The following KATNIP variants were observed in gnomAD, a reference collection of about 807,000 sequenced individuals.
KATNIP encodes katanin interacting protein.
A neutral mutation model predicts 174.0 loss-of-function variants in KATNIP; 126 were observed. The ratio of observed to expected loss-of-function variants is 0.72; its 90% CI spans 0.63 to 0.84. KATNIP has a LOEUF of 0.84. Among genes scored for constraint, KATNIP ranks in the 40% least tolerant of loss-of-function variants. The pLI, the probability that KATNIP is intolerant of heterozygous loss-of-function variation, is 0.00. For synonymous variants in KATNIP, 810 were observed against 835.7 expected (o/e 0.97, Z 0.53); for missense variants, 1,958 against 2,109.7 (o/e 0.93, Z 1.41).
intron 6 of KATNIP, among the ~76,000 whole-genome samples, chr16:27,659,651 T>G (rs1014747837): frequency 2.6e-5 from 4 of 152,182 alleles, no homozygotes; most frequent in African/African-American, 9.6e-5. Flanking sequence ...TTTTAAAATG[T>G]GGCTCAAACT....
chr16:27,731,084 C>T (rs1056549769), intron 14 of KATNIP, among the ~76,000 whole-genome samples: 2 of 152,154 alleles, frequency 1.3e-5, no homozygotes, highest in African/African-American at 4.8e-5. Flanking sequence ...AGGCGAGGAC[C>T]CTGGCTTGCT....
intron 13 of KATNIP, among the ~76,000 whole-genome samples, chr16:27,709,321 T>TAAA (rs544654938): frequency 4.2e-5 from 5 of 120,288 alleles, no homozygotes; most frequent in African/African-American, 1.2e-4. Context: ...ACCCTGTCTC[T>TAAA]AAAAAAAAAA....
rs988399372 is a variant in KATNIP at position 27,628,827 on chromosome 16, C to A, written c.307C>A (p.His103Asn). The change falls in exon 4 of 28, where the codon CAC becomes AAC. Residue 103 changes from histidine (H) to asparagine (N), a missense_variant. Physicochemically the swap from His to Asn is moderately conservative, Grantham distance 68 (BLOSUM62 1). Around this residue, in one of 3 missense-constraint regions of KATNIP, gnomAD observed 1,557 missense variants for 1,617.8 expected, o/e 0.96. Coordinates refer to ENST00000261588, the MANE Select transcript of KATNIP (RefSeq NM_015202.5). Reference sequence around the variant, plus strand: ...AAGTGCCTCCCACACGGAGGGGACACACGGTGAGCACAGGCCCTCCAGGCT... The same window carrying A: ...AAGTGCCTCCCACACGGAGGGGACAAACGGTGAGCACAGGCCCTCCAGGCT... Reference protein sequence around the residue: ...SRSASHTEGTHDYGRRTLFRE... With the variant: ...SRSASHTEGTNDYGRRTLFRE... 2 of 1,613,926 alleles carry A rather than the reference C, an allele frequency of 1.2e-6. No individual in the cohort carries two copies. The highest frequency in any genetic ancestry group is 2.7e-5 in the African/African-American group (2 of 74,920).
At chr16:27,636,204 G>C (rs1055079625) in intron 5 of KATNIP, among the ~76,000 whole-genome samples, 1 of 152,044 alleles carries the variant, frequency 6.6e-6, no homozygotes, top group Non-Finnish European at 1.5e-5. Flanking sequence ...GAAAAGTCTG[G>C]CCCCCACGCT....
At chr16:27,675,596 T>C (rs2078085003) in intron 6 of KATNIP, among the ~76,000 whole-genome samples, 1 of 152,224 alleles carries the variant, frequency 6.6e-6, no homozygotes, top group Admixed American at 6.5e-5. Context: ...TTGGAGTCAT[T>C]CTTCCTTTTT....
chr16:27,673,805 A>AAGAT (rs1368888510), intron 6 of KATNIP, among the ~76,000 whole-genome samples: 1 of 152,204 alleles, frequency 6.6e-6, no homozygotes, highest in Non-Finnish European at 1.5e-5. Context: ...TATGGATGTC[A>AAGAT]AGATGCAAGT....
chr16:27,736,379 TTGAG>T (rs887278416), intron 14 of KATNIP, among the ~76,000 whole-genome samples: 3 of 152,126 alleles, frequency 2.0e-5, no homozygotes, highest in African/African-American at 7.2e-5. Flanking sequence ...GAGCCTAACT[TTGAG>T]TGGGAAAAAC....
chr16:27,734,586 A>G (rs993983129), intron 14 of KATNIP, among the ~76,000 whole-genome samples: 1 of 152,052 alleles, frequency 6.6e-6, no homozygotes, highest in African/African-American at 2.4e-5. Flanking sequence ...AATCCCAGCT[A>G]CTCGGGAGGC....
chr16:27,596,006 G>A lies in KATNIP; in HGVS notation c.63+22050G>A, dbSNP rs147638213. 2.2e-4 allele frequency among the ~76,000 whole-genome samples: 33 copies of A among 152,286 alleles called. 1 individual carries two copies. The highest frequency in any genetic ancestry group is 6.5e-4 in the Admixed American group (10 of 15,280). On this transcript the variant is annotated intron_variant, in intron 2 of 27. Coordinates refer to ENST00000261588, the MANE Select transcript of KATNIP (RefSeq NM_015202.5). ...AGGAGGACAGAGGGGTCAAGGCCAG[G>A]TCGTGTAGGGCTTTGTGTCATTTGT...
At chr16:27,733,794 G>T (rs1347867359) in intron 14 of KATNIP, among the ~76,000 whole-genome samples, 2 of 152,088 alleles carry the variant, frequency 1.3e-5, no homozygotes, top group Non-Finnish European at 2.9e-5. Context: ...GGATCCTTTC[G>T]TAAAGATGTC....
At chr16:27,619,420 G>A (rs1179415576) in intron 3 of KATNIP, among the ~76,000 whole-genome samples, 1 of 152,216 alleles carries the variant, frequency 6.6e-6, no homozygotes, top group Non-Finnish European at 1.5e-5. Flanking sequence ...AGAACTGGTG[G>A]GGGGAAGGGG....
chr16:27,744,891 G>T (rs564298681), intron 15 of KATNIP, among the ~76,000 whole-genome samples: 140 of 151,878 alleles, frequency 9.2e-4, no homozygotes, highest in Non-Finnish European at 1.5e-3. Context: ...CTCCAGCCTG[G>T]GTGACAGAAT....
rs1382472112 is a variant in KATNIP at position 27,635,098 on chromosome 16, G to C, written c.408+3936G>C. Among the ~76,000 whole-genome samples, 4 of 152,134 alleles carry C rather than the reference G, an allele frequency of 2.6e-5. No individual in the cohort carries two copies. The East Asian group carries it at 7.7e-4, about 29-fold the overall frequency. On this transcript the variant is annotated intron_variant, in intron 5 of 27. Coordinates refer to ENST00000261588, the MANE Select transcript of KATNIP (RefSeq NM_015202.5). ...CAAACTGGCTAGCGTGAGTTGTTTTGCTGGAATTTAAGATCTGAAAAACAT... is the reference window on the plus strand; with the variant it reads ...CAAACTGGCTAGCGTGAGTTGTTTTCCTGGAATTTAAGATCTGAAAAACAT...
At chr16:27,577,731 G>C (rs1323267178) in intron 2 of KATNIP, among the ~76,000 whole-genome samples, 1 of 151,760 alleles carries the variant, frequency 6.6e-6, no homozygotes, top group African/African-American at 2.4e-5. Flanking sequence ...ATGAAAATCA[G>C]GTGTGGTGTC....
intron 1 of KATNIP, among the ~76,000 whole-genome samples, chr16:27,559,767 G>A (rs1485792671): frequency 6.6e-6 from 1 of 151,538 alleles, no homozygotes; most frequent in Non-Finnish European, 1.5e-5. Flanking sequence ...GATCACTTGA[G>A]GTCAGAAGTT....
At chr16:27,646,890 C>A (rs114821043) in intron 5 of KATNIP, among the ~76,000 whole-genome samples, 1 of 152,336 alleles carries the variant, frequency 6.6e-6, no homozygotes, top group East Asian at 1.9e-4. Context: ...TTTCCTCCCC[C>A]CAGCACCAGT....
At chr16:27,694,940 C>G (rs538971774) in intron 8 of KATNIP, among the ~76,000 whole-genome samples, 10 of 152,206 alleles carry the variant, frequency 6.6e-5, no homozygotes, top group Admixed American at 2.6e-4. Flanking sequence ...AAATTGAGCC[C>G]TCTGCTCCTC....
intron 6 of KATNIP, among the ~76,000 whole-genome samples, chr16:27,668,053 C>T (rs990705444): frequency 1.3e-5 from 2 of 152,154 alleles, no homozygotes; most frequent in Non-Finnish European, 2.9e-5. Flanking sequence ...GGCCTCAAGG[C>T]AGCTTTGTGT....
At chr16:27,686,326 T>G (rs986603645) in intron 8 of KATNIP, among the ~76,000 whole-genome samples, 2 of 152,198 alleles carry the variant, frequency 1.3e-5, no homozygotes, top group Non-Finnish European at 2.9e-5. Context: ...AATTGAACCT[T>G]TTATCATTAT....
Sources: allele counts gnomAD v4.1 joint callset (sites outside exome capture counted in the v4.1 genomes callset), GRCh38; gene constraint gnomAD v4.1.1; regional missense constraint gnomAD v4.1.1; transcripts MANE v1.5; gene names NCBI Gene and HGNC (gene_info 2026-07-23, HGNC 2026-07-21).